The following TAGLN2 variants were observed in gnomAD, a reference collection of about 807,000 sequenced individuals.
The protein encoded by TAGLN2 is transgelin 2, also known as transgelin-2.
Under a neutral mutation model 24.9 loss-of-function variants are expected in TAGLN2, and 14 were observed. That is an observed-to-expected ratio of 0.56 (90% CI 0.37 to 0.88). The LOEUF is 0.88. Ranked by LOEUF, TAGLN2 falls within the 40% of genes least tolerant of loss-of-function variation. The probability of loss-of-function intolerance (pLI) is 0.00; values close to 1 mark genes in which losing one functional copy is unlikely to be tolerated. For synonymous variants in TAGLN2, 77 were observed against 98.2 expected, an observed-to-expected ratio of 0.78 and a Z score of 1.28; for missense variants, 208 against 258.9, an observed-to-expected ratio of 0.80 and a Z score of 1.35.
Position 159,919,692 on chromosome 1 carries a change from A to G in TAGLN2, c.324T>C (p.Thr108=). Residue 108 remains threonine, a synonymous_variant, in exon 3 of 5, where the codon ACT becomes ACC. Coordinates refer to ENST00000368097, the MANE Select transcript of TAGLN2 (RefSeq NM_003564.3). ...QAAERYGINT[T]DIFQTVDLWE... The stretch of plus-strand genomic sequence containing the variant: ...AGAGGTCCACAGTTTGGAAGATGTC[A>G]GTGGTGTTAATGCCATAGCGCTCAG... 3 of 1,613,328 alleles carry G rather than the reference A, an allele frequency of 1.9e-6. No homozygotes were observed. Among genetic ancestry groups the G allele is most frequent in the South Asian group, 1.1e-5 (1 of 91,042 alleles).
At position 159,918,738 on chromosome 1, in the gene TAGLN2, A is replaced by AAT; in HGVS notation, c.*60_*61dup. On this transcript the variant is annotated 3_prime_UTR_variant, in exon 5 of 5. Transcript: ENST00000368097. ...GGCTCTCTGGGAATGTCACTGCTAAAATATATATCTACATATATATTAACC... is the reference window on the plus strand; with the variant it reads ...GGCTCTCTGGGAATGTCACTGCTAAAATATATATATCTACATATATATTAACC... 1.2e-5 allele frequency: 18 copies of AAT among 1,564,730 alleles called. No homozygotes were observed. Among genetic ancestry groups the AAT allele is most frequent in the Non-Finnish European group, 1.6e-5 (18 of 1,152,610 alleles).
At chr1:159,923,609 G>C in intron 1 of TAGLN2, 1 of 874,096 alleles carries the variant, frequency 1.1e-6, no homozygotes, top group Non-Finnish European at 1.7e-6. Flanking sequence ...TTCTCAAAGA[G>C]CAGCACAGTG....
Position 159,920,557 on chromosome 1 carries a change from G to A in TAGLN2, c.-28-20C>T, listed in dbSNP as rs769004211. ...GGGGAGCTAGGGAGAGGACACACCC[G>A]GGCTTTTGGTCAACACCTTGCAGCC... On this transcript the variant is annotated intron_variant, in intron 1 of 4. Coordinates refer to ENST00000368097, the MANE Select transcript of TAGLN2 (RefSeq NM_003564.3). 6.2e-5 allele frequency: 100 copies of A among 1,604,136 alleles called. No individual in the cohort carries two copies. Among genetic ancestry groups the A allele is most frequent in the South Asian group, 3.7e-4 (33 of 90,198 alleles).
intron 1 of TAGLN2, among the ~76,000 whole-genome samples, chr1:159,922,740 G>T (rs1438974487): frequency 1.3e-5 from 2 of 152,192 alleles, no homozygotes; most frequent in Admixed American, 6.5e-5. Flanking sequence ...GCAGGAGAAT[G>T]ATTAACCTAG....
At chr1:159,919,588 T>C in intron 3 of TAGLN2, 73 bp downstream of exon 3, 1 of 1,566,974 alleles carries the variant, frequency 6.4e-7, no homozygotes, top group South Asian at 1.2e-5. Flanking sequence ...CAGCCCCTTC[T>C]GCCTGGTCAA....
chr1:159,924,815 G>A (rs1010659655), intron 1 of TAGLN2, among the ~76,000 whole-genome samples: 2 of 152,202 alleles, frequency 1.3e-5, no homozygotes, highest in Admixed American at 6.5e-5. Flanking sequence ...GGGCACCCCG[G>A]GGCGCAGTCA....
intron 4 of TAGLN2, 153 bp downstream of exon 4, chr1:159,919,121 C>A (rs1194665690): frequency 2.4e-6 from 3 of 1,254,972 alleles, no homozygotes; most frequent in Admixed American, 4.0e-5. Context: ...TTTGCCATCC[C>A]AGAGGGTGTT....
At chr1:159,922,622 C>T (rs542991456) in intron 1 of TAGLN2, among the ~76,000 whole-genome samples, 9 of 152,336 alleles carry the variant, frequency 5.9e-5, no homozygotes, top group Admixed American at 3.9e-4. Context: ...GCCCCCTTTC[C>T]GCAGCCCAGT....
In TAGLN2 at chr1:159,919,989, CCTT is replaced by C. The variant is rs1471333642; in HGVS notation, c.181-157_181-155del. The C allele has an allele frequency of 1.9e-5, 17 of 893,932 alleles. No individual in the cohort carries two copies. The Middle Eastern group carries it at 8.7e-4, about 46-fold the overall frequency. 55.4% of individuals were successfully genotyped at this position (893,932 alleles called of 1,614,324 possible). A position where few individuals can be genotyped will look rare whatever the true frequency, so the allele number is the denominator to read the frequency against. ...CTTTCACTAGAGTAAGCCTCACAGT[CCTT>C]CTTGCCAGCCTCCTTCCTCCGAGCC... is the stretch of plus-strand genomic sequence containing the variant. On this transcript the variant is annotated intron_variant, in intron 2 of 4. Transcript: ENST00000368097.
Position 159,919,776 on chromosome 1 carries a change from GA to G in TAGLN2, c.239del (p.Ile80ThrfsTer50). ...GCTTGAAGGCCATGGTGGAGGCCTG[GA>G]TCTTCTTTACTGGGGCCTGCCCCTC... ...YPEGQAPVKKIQASTMAFKQM... is the reference protein window; with the variant it reads ...YPEGQAPVKKXQASTMAFKQM... On this transcript the variant is annotated frameshift_variant, in exon 3 of 5. Coordinates refer to ENST00000368097, the MANE Select transcript of TAGLN2 (RefSeq NM_003564.3). LOFTEE classifies it high-confidence loss of function. The G allele has an allele frequency of 6.2e-7, 1 of 1,614,108 alleles. No homozygotes were observed. Among genetic ancestry groups the G allele is most frequent in the South Asian group, 1.1e-5 (1 of 91,082 alleles).
Position 159,918,738 on chromosome 1 carries a change from A to G in TAGLN2, c.*62T>C. On this transcript the variant is annotated 3_prime_UTR_variant, in exon 5 of 5. Coordinates refer to ENST00000368097, the MANE Select transcript of TAGLN2 (RefSeq NM_003564.3). The stretch of plus-strand genomic sequence containing the variant: ...GGCTCTCTGGGAATGTCACTGCTAA[A>G]ATATATATCTACATATATATTAACC... 6.4e-7 allele frequency: 1 copy of G among 1,564,730 alleles called. No homozygotes were observed. Among genetic ancestry groups the G allele is most frequent in the South Asian group, 1.2e-5 (1 of 84,412 alleles).
At chr1:159,923,325 T>C in intron 1 of TAGLN2, 2 of 1,279,098 alleles carry the variant, frequency 1.6e-6, no homozygotes, top group Non-Finnish European at 2.2e-6. Context: ...CTAGCGCTAC[T>C]GCAGCTGTGA....
chr1:159,920,304 C>G (rs761312660), intron 2 of TAGLN2, 26 bp downstream of exon 2: 1 of 1,614,220 alleles, frequency 6.2e-7, no homozygotes, highest in East Asian at 2.2e-5. Context: ...CCCTGCACTT[C>G]CAAGCCAGTG....
intron 1 of TAGLN2, among the ~76,000 whole-genome samples, chr1:159,922,801 G>GC (rs549144734): frequency 9.2e-5 from 14 of 152,280 alleles, no homozygotes; most frequent in South Asian, 6.2e-4. Flanking sequence ...CACTTCCAGT[G>GC]CCCCCCAACC....
intron 1 of TAGLN2, chr1:159,925,033 C>T (rs1221366075): frequency 6.6e-6 from 1 of 152,270 alleles, no homozygotes; most frequent in Non-Finnish European, 1.5e-5. Flanking sequence ...GCTCCTGGAA[C>T]CAGGAAGTGA....
intron 1 of TAGLN2, among the ~76,000 whole-genome samples, chr1:159,922,279 T>C (rs1650556522): frequency 6.6e-6 from 1 of 152,214 alleles, no homozygotes; most frequent in Non-Finnish European, 1.5e-5. Context: ...TACCCCAGCT[T>C]ATCAAGCTGC....
At chr1:159,923,694 CCGTAG>C in intron 1 of TAGLN2, 9 of 438,988 alleles carry the variant, frequency 2.1e-5, no homozygotes, top group South Asian at 8.9e-5. Flanking sequence ...AAGGGAACCA[CCGTAG>C]GGCAGCCCCT....
rs1206137118 is a variant in TAGLN2 at position 159,920,388 on chromosome 1, T to A, written c.122A>T (p.Asp41Val). The A allele has an allele frequency of 5.0e-6, 8 of 1,614,188 alleles. No individual in the cohort carries two copies. The highest frequency in any genetic ancestry group is 6.8e-6 in the Non-Finnish European group (8 of 1,180,028). The change falls in exon 2 of 5, where the codon GAT (aspartate) becomes GTT (valine). Residue 41 changes from aspartate to valine, a missense_variant. Transcript: ENST00000368097. ...GCGTCCAGGCTGGGGCCGGCCCACA[T>A]CCTTTCGGCACTGGGTGGTGATCCA... is the stretch of plus-strand genomic sequence containing the variant. Reference protein sequence around the residue: ...IQWITTQCRKDVGRPQPGREN... With the variant: ...IQWITTQCRKVVGRPQPGREN...
At chr1:159,922,755 T>C (rs1269374586) in intron 1 of TAGLN2, among the ~76,000 whole-genome samples, 1 of 152,114 alleles carries the variant, frequency 6.6e-6, no homozygotes, top group African/African-American at 2.4e-5. Context: ...ACCTAGACAC[T>C]GGGGTTAAGA....
Sources: allele counts gnomAD v4.1 joint callset (sites outside exome capture counted in the v4.1 genomes callset), GRCh38; gene constraint gnomAD v4.1.1; transcripts MANE v1.5; gene names NCBI Gene and HGNC (gene_info 2026-07-23, HGNC 2026-07-21).